MYRIP: variants seen among roughly 807,000 people sequenced by gnomAD.
MYRIP encodes myosin VIIA and Rab interacting protein.
MYRIP carries 49 observed loss-of-function variants against 98.0 expected under a neutral mutation model. The ratio of observed to expected loss-of-function variants is 0.50; its 90% CI spans 0.40 to 0.63. The LOEUF is 0.63. Ranked by LOEUF, MYRIP falls within the 30% of genes least tolerant of loss-of-function variation. The pLI is 0.00. For synonymous variants in MYRIP, 404 were observed against 409.5 expected (o/e 0.99, Z 0.16); for missense variants, 1,004 against 1,058.2 (o/e 0.95, Z 0.71).
At chr3:40,244,694 T>G in intron 13 of MYRIP, 87 bp downstream of exon 13, 1 of 1,391,038 alleles carries the variant, frequency 7.2e-7, no homozygotes, top group Non-Finnish European at 9.6e-7. Flanking sequence ...AAAGCCATTG[T>G]ATCTATCAGC....
intron 2 of MYRIP, among the ~76,000 whole-genome samples, chr3:39,946,477 T>C (rs1944905521): frequency 1.3e-5 from 2 of 152,076 alleles, no homozygotes; most frequent in Non-Finnish European, 2.9e-5. Context: ...AGAACAGAGT[T>C]TTCTCTGACT....
intron 1 of MYRIP, among the ~76,000 whole-genome samples, chr3:39,887,473 A>G (rs1009915249): frequency 6.6e-6 from 1 of 152,192 alleles, no homozygotes; most frequent in Non-Finnish European, 1.5e-5. Flanking sequence ...GACAAAATTC[A>G]ACAATGCTTC....
chr3:39,939,442 T>C (rs1362545268), intron 2 of MYRIP, among the ~76,000 whole-genome samples: 1 of 152,012 alleles, frequency 6.6e-6, no homozygotes, highest in East Asian at 1.9e-4. Flanking sequence ...AAGCAGGACA[T>C]AAAATATCAT....
intron 2 of MYRIP, among the ~76,000 whole-genome samples, chr3:40,027,174 G>A (rs559342864): frequency 6.6e-6 from 1 of 151,974 alleles, no homozygotes; most frequent in Non-Finnish European, 1.5e-5. Flanking sequence ...CACTCCCCAC[G>A]TAGTTACACA....
In MYRIP at chr3:39,874,715, T is replaced by G. The variant is rs144586733; in HGVS notation, c.-30-26072T>G. On this transcript the variant is annotated intron_variant, in intron 1 of 16. Transcript: ENST00000302541. ...CCCACTTTATCATGGTGGATAAGCTTTTTGATGTGCTGCTGGATTCGGTTT... is the reference window on the plus strand; with the variant it reads ...CCCACTTTATCATGGTGGATAAGCTGTTTGATGTGCTGCTGGATTCGGTTT... Among the ~76,000 whole-genome samples the G allele has an allele frequency of 9.2e-3, 1,408 of 152,276 alleles. 26 individuals are homozygous for G. The highest frequency in any genetic ancestry group is 0.032 in the African/African-American group (1,331 of 41,564).
intron 2 of MYRIP, among the ~76,000 whole-genome samples, chr3:39,931,582 GT>G (rs781247574): frequency 4.3e-4 from 65 of 152,024 alleles, no homozygotes; most frequent in Admixed American, 1.0e-3. Context: ...TCCTTGTATT[GT>G]TTTTTATCTT....
In MYRIP at chr3:40,258,416, C is replaced by T; in HGVS notation, c.*250C>T. 1 of 472,998 alleles carries T rather than the reference C, an allele frequency of 2.1e-6. No individual in the cohort carries two copies. Among genetic ancestry groups the T allele is most frequent in the Non-Finnish European group, 3.8e-6 (1 of 262,104 alleles). 29.3% of individuals were successfully genotyped at this position (472,998 alleles called of 1,614,324 possible). ...CCAAGACAGAAAATGAAGACACTGG[C>T]TTCCAACAGCAGCGCTCCATGTTTA... On this transcript the variant is annotated 3_prime_UTR_variant, in exon 17 of 17. Coordinates refer to ENST00000302541, the MANE Select transcript of MYRIP (RefSeq NM_015460.4).
intron 10 of MYRIP, among the ~76,000 whole-genome samples, chr3:40,197,517 A>G (rs1951429331): frequency 6.6e-6 from 1 of 152,218 alleles, no homozygotes; most frequent in South Asian, 2.1e-4. Flanking sequence ...GCTGTTGCAG[A>G]ATTAATGCAA....
At chr3:40,108,180 A>T (rs138438525) in intron 3 of MYRIP, among the ~76,000 whole-genome samples, 3 of 58,136 alleles carry the variant, frequency 5.2e-5, no homozygotes, top group South Asian at 9.0e-4. Flanking sequence ...TTTGTGAGAG[A>T]GAGAGAGAGA....
intron 11 of MYRIP, among the ~76,000 whole-genome samples, chr3:40,219,596 G>A (rs1289715890): frequency 6.6e-6 from 1 of 151,064 alleles, no homozygotes; most frequent in Non-Finnish European, 1.5e-5. Flanking sequence ...TTGGTTTTTT[G>A]TCCTTGCGAT....
At position 40,033,953 on chromosome 3, in the gene MYRIP, G is replaced by C. The variant is rs1336134787; in HGVS notation, c.111-10097G>C. On this transcript the variant is annotated intron_variant, in intron 2 of 16. Coordinates refer to ENST00000302541, the MANE Select transcript of MYRIP (RefSeq NM_015460.4). The stretch of plus-strand genomic sequence containing the variant: ...ACTATCTGATCTTTGACAAACCTGA[G>C]AAAAACAAGCAATGGGGAAAGGATT... Among the ~76,000 whole-genome samples, 8 of 152,044 alleles carry C rather than the reference G, an allele frequency of 5.3e-5. No homozygotes were observed. In the East Asian group the frequency reaches 1.4e-3, roughly 26 times the overall value.
chr3:39,830,158 C>T (rs1208819733), intron 1 of MYRIP, among the ~76,000 whole-genome samples: 1 of 152,180 alleles, frequency 6.6e-6, no homozygotes, highest in Non-Finnish European at 1.5e-5. Flanking sequence ...CCTTTTCCAG[C>T]TACTCTTTTG....
chr3:39,928,872 G>T (rs1414316090), intron 2 of MYRIP, among the ~76,000 whole-genome samples: 1 of 151,912 alleles, frequency 6.6e-6, no homozygotes, highest in Admixed American at 6.6e-5. Flanking sequence ...CATATAGTTT[G>T]GAAAGTGTGA....
chr3:39,944,697 A>T (rs1044812840), intron 2 of MYRIP, among the ~76,000 whole-genome samples: 1 of 152,154 alleles, frequency 6.6e-6, no homozygotes, highest in South Asian at 2.1e-4. Flanking sequence ...AACATTTGCA[A>T]ATGGAAGCTA....
At chr3:40,104,562 A>C (rs4676570) in intron 3 of MYRIP, among the ~76,000 whole-genome samples, 65,014 of 151,976 alleles carry the variant, frequency 0.43, 14,548 homozygotes, top group Admixed American at 0.53. Context: ...TTCTCATTTC[A>C]TGAACCAGTT....
At chr3:39,935,010 C>T (rs1032394299) in intron 2 of MYRIP, among the ~76,000 whole-genome samples, 7 of 152,200 alleles carry the variant, frequency 4.6e-5, no homozygotes, top group African/African-American at 1.7e-4. Context: ...GACAGCTTCC[C>T]TGTCTTCACT....
At chr3:40,162,925 A>T in intron 5 of MYRIP, 115 bp downstream of exon 5, 1 of 898,978 alleles carries the variant, frequency 1.1e-6, no homozygotes, top group Non-Finnish European at 1.8e-6. Flanking sequence ...GCAACTATCT[A>T]CTACTGTGTG....
At chr3:39,939,718 A>G (rs1036667010) in intron 2 of MYRIP, among the ~76,000 whole-genome samples, 5 of 152,192 alleles carry the variant, frequency 3.3e-5, no homozygotes, top group African/African-American at 1.2e-4. Flanking sequence ...TTAGAATTGT[A>G]ATTATTTTGA....
intron 2 of MYRIP, among the ~76,000 whole-genome samples, chr3:40,020,828 A>G (rs1946975096): frequency 6.6e-6 from 1 of 152,186 alleles, no homozygotes; most frequent in South Asian, 2.1e-4. Flanking sequence ...ACACCATTGT[A>G]GCCAACACGT....
Sources: allele counts gnomAD v4.1 joint callset (sites outside exome capture counted in the v4.1 genomes callset), GRCh38; gene constraint gnomAD v4.1.1; transcripts MANE v1.5; gene names NCBI Gene and HGNC (gene_info 2026-07-23, HGNC 2026-07-21).